Variants in KLHL7 observed in about 807,000 individuals in gnomAD.
KLHL7 encodes the protein kelch-like protein 7.
In KLHL7, 44 loss-of-function variants were observed where a neutral mutation model predicts 67.4. The observed-to-expected ratio is 0.65, with a 90% CI of 0.51 to 0.84. The LOEUF is 0.84. KLHL7 is among the 40% of genes least tolerant of loss of function. The probability of loss-of-function intolerance (pLI) is 0.00; values close to 1 mark genes in which losing one functional copy is unlikely to be tolerated. For synonymous variants in KLHL7, 252 were observed against 243.3 expected, an observed-to-expected ratio of 1.04 and a Z score of -0.33; for missense variants, 362 against 718.1, an observed-to-expected ratio of 0.50 and a Z score of 5.67.
Position 23,143,982 on chromosome 7 carries a change from A to G in KLHL7, c.750A>G (p.Glu250=). The change falls in exon 6 of 11, where the codon GAA becomes GAG. Residue 250 remains glutamate (E), a synonymous_variant. Coordinates refer to ENST00000339077, the MANE Select transcript of KLHL7 (RefSeq NM_001031710.3). ...TCTTAAGTAAAACGGTACAAGCTGA[A>G]CCACTTATTCAAGACAATCCTGAAT... The part of the protein sequence containing the change: ...KNFLSKTVQA[E]PLIQDNPECL... 6.2e-7 allele frequency: 1 copy of G among 1,614,044 alleles called. No individual in the cohort carries two copies. Among genetic ancestry groups the G allele is most frequent in the Non-Finnish European group, 8.5e-7 (1 of 1,179,954 alleles).
chr7:23,113,033 C>G (rs1428638315), intron 1 of KLHL7, among the ~76,000 whole-genome samples: 5 of 151,724 alleles, frequency 3.3e-5, no homozygotes, highest in Non-Finnish European at 7.4e-5. Context: ...CGGGGCAGTT[C>G]CTCTTCCATA....
chr7:23,110,619 T>C, intron 1 of KLHL7, among the ~76,000 whole-genome samples: 1 of 152,096 alleles, frequency 6.6e-6, no homozygotes, highest in South Asian at 2.1e-4. Context: ...TTTTTTTAAT[T>C]TTATTATTAT....
chr7:23,150,013 G>C (rs1784481932), intron 6 of KLHL7, among the ~76,000 whole-genome samples: 1 of 152,030 alleles, frequency 6.6e-6, no homozygotes, highest in Non-Finnish European at 1.5e-5. Context: ...GAATTTTTGG[G>C]CCAGGCATGC....
intron 1 of KLHL7, among the ~76,000 whole-genome samples, chr7:23,120,731 T>A (rs1783299729): frequency 6.6e-6 from 1 of 152,116 alleles, no homozygotes; most frequent in African/African-American, 2.4e-5. Context: ...CACACCTGGT[T>A]AATTTTTTAT....
intron 7 of KLHL7, chr7:23,156,311 G>A: frequency 5.1e-6 from 1 of 194,712 alleles, no homozygotes; most frequent in Non-Finnish European, 1.1e-5. Flanking sequence ...GAATTGAAAT[G>A]ATATTTTTCT....
chr7:23,142,692 A>G (rs569526215), intron 5 of KLHL7, among the ~76,000 whole-genome samples: 1 of 151,920 alleles, frequency 6.6e-6, no homozygotes, highest in Non-Finnish European at 1.5e-5. Context: ...AATAAGTAAC[A>G]CATCAGATAA....
At chr7:23,116,015 A>G (rs549362983) in intron 1 of KLHL7, among the ~76,000 whole-genome samples, 1 of 152,286 alleles carries the variant, frequency 6.6e-6, no homozygotes, top group South Asian at 2.1e-4. Context: ...TGCTGAAATG[A>G]TTGAGTTCTA....
chr7:23,122,895 A>AGT (rs1783409417), intron 1 of KLHL7, among the ~76,000 whole-genome samples: 1 of 152,204 alleles, frequency 6.6e-6, no homozygotes, highest in Admixed American at 6.5e-5. Flanking sequence ...CCCAGTGCCT[A>AGT]GGACAGTCTT....
chr7:23,140,758 T>A lies in KLHL7; in HGVS notation c.443-11T>A. The stretch of plus-strand genomic sequence containing the variant: ...TGATTTTCTATTCTTTTATTTTCTT[T>A]CTGTGTTTAGGTATAAGTGTGCTAG... On this transcript the variant is annotated splice_polypyrimidine_tract_variant and intron_variant, in intron 4 of 10. Transcript: ENST00000339077. 6.2e-7 allele frequency: 1 copy of A among 1,611,216 alleles called. No individual in the cohort carries two copies. The highest frequency in any genetic ancestry group is 2.2e-5 in the East Asian group (1 of 44,854).
In KLHL7 at chr7:23,121,554, C is replaced by T. The variant is rs190200023; in HGVS notation, c.121-2223C>T. ...GGCTCAAGCAATCCACCTGCCTTGG[C>T]CTCCCAAAAATGCTAGGATTGGAGG... is the stretch of plus-strand genomic sequence containing the variant. On this transcript the variant is annotated intron_variant, in intron 1 of 10. Coordinates refer to ENST00000339077, the MANE Select transcript of KLHL7 (RefSeq NM_001031710.3). Among the ~76,000 whole-genome samples the T allele has an allele frequency of 2.0e-4, 31 of 151,988 alleles. 1 individual carries two copies. The East Asian group carries it at 5.8e-3, about 28-fold the overall frequency.
intron 2 of KLHL7, among the ~76,000 whole-genome samples, chr7:23,124,297 G>T (rs1783479547): frequency 1.4e-5 from 2 of 147,028 alleles, no homozygotes; most frequent in Admixed American, 1.4e-4. Context: ...TAGCCGGCAA[G>T]TTAAACTTTA....
chr7:23,153,677 A>G (rs921114523), intron 7 of KLHL7, among the ~76,000 whole-genome samples: 4 of 152,184 alleles, frequency 2.6e-5, no homozygotes, highest in African/African-American at 9.7e-5. Context: ...GCATGCTCTG[A>G]TTATATTGAG....
chr7:23,139,176 G>A lies in KLHL7; in HGVS notation c.443-1593G>A, dbSNP rs1784094135. Among the ~76,000 whole-genome samples, 6 of 151,810 alleles carry A rather than the reference G, an allele frequency of 4.0e-5. No homozygotes were observed. The South Asian group carries it at 1.2e-3, about 32-fold the overall frequency. On this transcript the variant is annotated intron_variant, in intron 4 of 10. Coordinates refer to ENST00000339077, the MANE Select transcript of KLHL7 (RefSeq NM_001031710.3). ...ATGTGTGGTGACAACAGGGACATGG[G>A]AACTCTGTAATGTTTCTTCAGTTTT...
intron 5 of KLHL7, 100 bp from the exon 6 acceptor site, chr7:23,143,751 C>G: frequency 8.2e-7 from 1 of 1,213,060 alleles, no homozygotes; most frequent in Non-Finnish European, 1.2e-6. Flanking sequence ...AAGTGGTTAT[C>G]TCCTTATGAG....
chr7:23,152,103 G>T lies in KLHL7; in HGVS notation c.830G>T (p.Arg277Leu). The T allele has an allele frequency of 6.2e-7, 1 of 1,613,854 alleles. No individual in the cohort carries two copies. The highest frequency in any genetic ancestry group is 8.5e-7 in the Non-Finnish European group (1 of 1,179,772). The stretch of plus-strand genomic sequence containing the variant: ...TACCATCTACTGTCTCCAGAGGACC[G>T]AGAAGAACTTGTAGATGGCACAAGA... The part of the protein sequence containing the change: ...MRYHLLSPED[R>L]EELVDGTRPR... Residue 277 changes from arginine (R) to leucine (L), a missense_variant, in exon 7 of 11, where the codon CGA becomes CTA. Coordinates refer to ENST00000339077, the MANE Select transcript of KLHL7 (RefSeq NM_001031710.3).
intron 1 of KLHL7, 159 bp downstream of exon 1, chr7:23,106,305 A>G (rs1782636021): frequency 8.0e-6 from 12 of 1,494,372 alleles, no homozygotes; most frequent in Admixed American, 6.7e-5. Flanking sequence ...CGCAGTTGGT[A>G]GAGGGGCGCG....
rs1785241146 is a variant in KLHL7 at position 23,174,250 on chromosome 7, T to C, written c.1713T>C (p.Ile571=). 2 of 1,614,032 alleles carry C rather than the reference T, an allele frequency of 1.2e-6. No homozygotes were observed. The highest frequency in any genetic ancestry group is 1.6e-4 in the Middle Eastern group (1 of 6,084). ...CTTTTCCAGTCACAAGTTGTTTAAT[T>C]TGTGTTGTCGATACTTGTGGAGCAA... The part of the protein sequence containing the change: ...VRAFPVTSCL[I]CVVDTCGANE... Residue 571 remains isoleucine (I), a synonymous_variant, in exon 11 of 11, where the codon ATT becomes ATC. Coordinates refer to ENST00000339077, the MANE Select transcript of KLHL7 (RefSeq NM_001031710.3).
At chr7:23,154,565 G>A (rs1784641723) in intron 7 of KLHL7, among the ~76,000 whole-genome samples, 1 of 152,038 alleles carries the variant, frequency 6.6e-6, no homozygotes, top group African/African-American at 2.4e-5. Flanking sequence ...CCATTTTCTG[G>A]TCTCCAGAAA....
intron 4 of KLHL7, among the ~76,000 whole-genome samples, chr7:23,137,117 T>C (rs1451786424): frequency 6.6e-6 from 1 of 152,128 alleles, no homozygotes; most frequent in Non-Finnish European, 1.5e-5. Flanking sequence ...AAATCGCATC[T>C]CTACTAAAAA....
Sources: gnomAD v4.1 joint callset for allele counts (sites outside exome capture counted in the v4.1 genomes callset) on GRCh38, gnomAD v4.1.1 for gene constraint, MANE v1.5 for transcripts, NCBI Gene and HGNC (gene_info 2026-07-23, HGNC 2026-07-21) for gene names.